Variants in C11orf65 observed in about 807,000 individuals in gnomAD.
C11orf65 encodes protein MFI.
A neutral mutation model predicts 35.3 loss-of-function variants in C11orf65; 38 were observed. The observed-to-expected ratio is 1.08, with a 90% CI of 0.83 to 1.41. The LOEUF is 1.41. Ranked by LOEUF, C11orf65 falls within the 40% of genes most tolerant of loss-of-function variation. The pLI is 0.00. For synonymous variants in C11orf65, 105 were observed against 114.4 expected (o/e 0.92, Z 0.53); for missense variants, 370 against 367.1 (o/e 1.01, Z -0.06).
intron 6 of C11orf65, chr11:108,321,345 T>G (rs1232551114): frequency 6.2e-7 from 1 of 1,614,152 alleles, no homozygotes; most frequent in Non-Finnish European, 8.5e-7. Context: ...CTTGAGTCTG[T>G]GTATTCGCTC....
chr11:108,451,265 C>T (rs997226242), intron 2 of C11orf65, among the ~76,000 whole-genome samples: 2 of 151,978 alleles, frequency 1.3e-5, no homozygotes, highest in Non-Finnish European at 2.9e-5. Context: ...ACCCCATCAT[C>T]TCAGCCCAAA....
intron 2 of C11orf65, among the ~76,000 whole-genome samples, 154 bp from the exon 3 acceptor site, chr11:108,431,992 G>T (rs2092996671): frequency 6.6e-6 from 1 of 152,090 alleles, no homozygotes; most frequent in African/African-American, 2.4e-5. Context: ...CTCAGGGTTT[G>T]CTTTGATAAC....
At chr11:108,402,782 T>C (rs916021799) in intron 6 of C11orf65, among the ~76,000 whole-genome samples, 4 of 152,336 alleles carry the variant, frequency 2.6e-5, no homozygotes, top group Admixed American at 2.0e-4. Flanking sequence ...ATCTGATTTG[T>C]GTCACTTCAG....
At chr11:108,337,774 T>C (rs576647828) in intron 2 of C11orf65, among the ~76,000 whole-genome samples, 1 of 152,258 alleles carries the variant, frequency 6.6e-6, no homozygotes, top group African/African-American at 2.4e-5. Context: ...AAATTGTTTA[T>C]GCTCTAAATA....
chr11:108,370,295 G>A (rs1338497416), intron 2 of C11orf65, among the ~76,000 whole-genome samples: 1 of 151,776 alleles, frequency 6.6e-6, no homozygotes. Context: ...AGTAACCACA[G>A]TAAGCTCTTT....
chr11:108,431,556 C>T (rs1447804758), intron 3 of C11orf65, among the ~76,000 whole-genome samples, 190 bp downstream of exon 3: 2 of 152,012 alleles, frequency 1.3e-5, no homozygotes, highest in East Asian at 1.9e-4. Flanking sequence ...ATCTGGGTGA[C>T]GGTTACATAG....
chr11:108,404,846 A>G (rs1227110382), intron 6 of C11orf65, among the ~76,000 whole-genome samples: 1 of 152,172 alleles, frequency 6.6e-6, no homozygotes, highest in Non-Finnish European at 1.5e-5. Flanking sequence ...ATCAAGTAGT[A>G]TAGTTCTCCA....
chr11:108,318,094 G>T (rs1338580969), intron 6 of C11orf65, among the ~76,000 whole-genome samples: 4 of 152,114 alleles, frequency 2.6e-5, no homozygotes, highest in Non-Finnish European at 5.9e-5. Context: ...AGGCACGGTG[G>T]CTCATGCCTA....
Position 108,316,023 on chromosome 11 carries a change from T to C in C11orf65, c.641-6952A>G, listed in dbSNP as rs3092826. The C allele has an allele frequency of 1.3e-4, 212 of 1,614,160 alleles. No homozygotes were observed. In the East Asian group the frequency reaches 4.0e-3, roughly 30 times the overall value. ...TCTTTTCTTATAGACTACGAACATA[T>C]GAACACGAAGCAATGTGGGGCAAAG... On this transcript the variant is annotated intron_variant, in intron 6 of 6. Coordinates refer to the C11orf65 transcript ENST00000525729.
intron 2 of C11orf65, among the ~76,000 whole-genome samples, chr11:108,359,901 G>A (rs1565595595): frequency 2.0e-5 from 3 of 152,078 alleles, no homozygotes; most frequent in Non-Finnish European, 2.9e-5. Flanking sequence ...AAAAGGAAGA[G>A]CAAACACATT....
downstream of C11orf65, among the ~76,000 whole-genome samples, chr11:108,326,471 T>G (rs191071125): frequency 6.6e-6 from 1 of 152,302 alleles, no homozygotes; most frequent in African/African-American, 2.4e-5. Context: ...ATTAAGCCTT[T>G]AACTTCCTAT....
intron 6 of C11orf65, among the ~76,000 whole-genome samples, chr11:108,313,338 A>C (rs549929706): frequency 1.2e-4 from 18 of 152,262 alleles, no homozygotes; most frequent in Middle Eastern, 3.4e-3. Context: ...GTTCTCTTTT[A>C]GGTATCACCC....
intron 3 of C11orf65, among the ~76,000 whole-genome samples, chr11:108,421,096 C>T (rs573302239): frequency 6.6e-6 from 1 of 152,302 alleles, no homozygotes; most frequent in South Asian, 2.1e-4. Flanking sequence ...TAGCCCCCAA[C>T]ACCTGGCAAG....
At chr11:108,309,842 T>C (rs2083994519) in intron 6 of C11orf65, among the ~76,000 whole-genome samples, 1 of 152,168 alleles carries the variant, frequency 6.6e-6, no homozygotes, top group Admixed American at 6.5e-5. Context: ...TGTATCCTAT[T>C]CTTAGTCTGT....
chr11:108,342,652 G>A (rs886596563), intron 2 of C11orf65, among the ~76,000 whole-genome samples: 2 of 152,066 alleles, frequency 1.3e-5, no homozygotes, highest in South Asian at 2.1e-4. Flanking sequence ...AAGGGTATCT[G>A]TTAATATCAT....
chr11:108,433,487 G>A (rs185945505), intron 2 of C11orf65, among the ~76,000 whole-genome samples: 96 of 152,238 alleles, frequency 6.3e-4, no homozygotes, highest in African/African-American at 2.2e-3. Flanking sequence ...GGCTGAGGCA[G>A]GAGGATGGTG....
At position 108,360,317 on chromosome 11, in the gene C11orf65, CAA is replaced by C. The variant is rs1197468527; in HGVS notation, c.227-25027_227-25026del. Among the ~76,000 whole-genome samples the C allele has an allele frequency of 4.7e-5, 7 of 150,354 alleles. No individual in the cohort carries two copies. In the East Asian group the frequency reaches 1.2e-3, roughly 26 times the overall value. ...TGGCAATAATCAATAGTTTACCAAA[CAA>C]AAAGAGTCCAGGACCAGATGGATTC... On this transcript the variant is annotated intron_variant, in intron 2 of 3. Coordinates refer to the C11orf65 transcript ENST00000524755.
Position 108,332,826 on chromosome 11 carries a change from G to A in C11orf65, c.300-1259C>T, listed in dbSNP as rs2136566506. 1.9e-6 allele frequency: 3 copies of A among 1,613,348 alleles called. No homozygotes were observed. Among genetic ancestry groups the A allele is most frequent in the Non-Finnish European group, 2.5e-6 (3 of 1,179,636 alleles). The stretch of plus-strand genomic sequence containing the variant: ...AGAAGTAGGAGACCTCAGATGGTCA[G>A]AAGTGTTGAGGCACTTTGTGATGCT... On this transcript the variant is annotated intron_variant, in intron 3 of 3. Transcript: ENST00000524755.
chr11:108,387,148 CTTTTTTTTTTTTT>C (rs1175890979), intron 7 of C11orf65, among the ~76,000 whole-genome samples: 2 of 84,388 alleles, frequency 2.4e-5, no homozygotes, highest in Admixed American at 3.9e-4. Flanking sequence ...TTCTTTCTTT[CTTTTTTTTTTTTT>C]TTTTTTTTTT....
Sources: gnomAD v4.1 joint callset for allele counts (sites outside exome capture counted in the v4.1 genomes callset) on GRCh38, gnomAD v4.1.1 for gene constraint, MANE v1.5 for transcripts, NCBI Gene and HGNC (gene_info 2026-07-23, HGNC 2026-07-21) for gene names.